FUT5: variants seen among roughly 807,000 people sequenced by gnomAD.
The protein encoded by FUT5 is fucosyltransferase 5.
A neutral mutation model predicts 0.8 loss-of-function variants in FUT5; 1 was observed. That is an observed-to-expected ratio of 1.26 (90% CI 0.45 to 5.99). The LOEUF (loss-of-function observed/expected upper bound fraction) is 5.99, where lower values mean the gene tolerates loss of function less well. Among genes scored for constraint, FUT5 ranks in the 30% most tolerant of loss-of-function variants. FUT5 has a pLI of 0.15. For missense variants in FUT5, 437 were observed against 517.8 expected (o/e 0.84, Z 1.51); for synonymous variants, 212 against 225.7 (o/e 0.94, Z 0.54).
At position 5,867,901 on chromosome 19, in the gene FUT5, C is replaced by A. The variant is rs746888590; in HGVS notation, c.-12-164G>T. On this transcript the variant is annotated intron_variant, in intron 1 of 1. Coordinates refer to ENST00000588525, the MANE Select transcript of FUT5 (RefSeq NM_002034.2). This position sits in a 1 kb window ranked among gnomAD's most constrained non-coding sequence, Gnocchi z 5.0. ...TTTATAACTCTGACAGGGAAGGGTACGATGGGATTAGGTTTTGCAGGTAAC... is the reference window on the plus strand; with the variant it reads ...TTTATAACTCTGACAGGGAAGGGTAAGATGGGATTAGGTTTTGCAGGTAAC... 1.3e-5 allele frequency among the ~76,000 whole-genome samples: 2 copies of A among 152,186 alleles called. No homozygotes were observed. Among genetic ancestry groups the A allele is most frequent in the Non-Finnish European group, 2.9e-5 (2 of 68,010 alleles).
At position 5,866,062 on chromosome 19, in the gene FUT5, A is replaced by C. The variant is rs8101625; in HGVS notation, c.*539T>G. The C allele has an allele frequency of 0.4, 76,868 of 191,408 alleles. 15,944 individuals carry two copies. The highest frequency in any genetic ancestry group is 0.49 in the African/African-American group (20,775 of 42,792). The allele number at this position is 191,408 out of a possible 1,614,324, so 11.9% of individuals were successfully genotyped here. ...TGTGACACCCATCCGCTGGCGGTCA[A>C]ACCGAGTGTCCCCCAGCCATGTGCA... On this transcript the variant is annotated 3_prime_UTR_variant, in exon 2 of 2. Transcript: ENST00000588525. The surrounding 1 kb of genome is among the most constrained non-coding windows in gnomAD (Gnocchi z 4.9).
rs770388340 is a variant in FUT5, at chr19:5,866,916, G to A, written c.810C>T (p.Thr270=). ...CCAGGGCGTTCCTCCACAGCTTCTC[G>A]GTGATGTAGTCGGGGTGCAAGGAGT... is the stretch of plus-strand genomic sequence containing the variant. ...FENSLHPDYI[T]EKLWRNALEA... Residue 270 remains threonine, a synonymous_variant, in exon 2 of 2, where the codon ACC becomes ACT. Coordinates refer to ENST00000588525, the MANE Select transcript of FUT5 (RefSeq NM_002034.2). The surrounding 1 kb of genome is among the most constrained non-coding windows in gnomAD (Gnocchi z 4.9). 8.7e-6 allele frequency: 14 copies of A among 1,612,936 alleles called. No individual in the cohort carries two copies. Among genetic ancestry groups the A allele is most frequent in the East Asian group, 2.2e-5 (1 of 44,856 alleles).
chr19:5,867,494 T>G lies in FUT5; in HGVS notation c.232A>C (p.Ile78Leu), dbSNP rs200984833. Residue 78 changes from isoleucine to leucine, a missense_variant, in exon 2 of 2, where the codon ATC becomes CTC. Ile to Leu is a conservative substitution (Grantham distance 5, BLOSUM62 2). This residue lies in a region of FUT5 where 261 missense variants were observed against 242.6 expected (regional missense o/e 1.08). Coordinates refer to ENST00000588525, the MANE Select transcript of FUT5 (RefSeq NM_002034.2). The surrounding 1 kb of genome is among the most constrained non-coding windows in gnomAD (Gnocchi z 5.0). ...MATPAHPTLL[I>L]LLWTWPFNTP... Reference sequence around the variant, plus strand: ...TTAAAAGGCCACGTCCACAGCAGGATCAGTAGGGTGGGGTGGGCAGGGGTC... The same window carrying G: ...TTAAAAGGCCACGTCCACAGCAGGAGCAGTAGGGTGGGGTGGGCAGGGGTC... The G allele has an allele frequency of 4.4e-5, 60 of 1,365,404 alleles. No homozygotes were observed. Among genetic ancestry groups the G allele is most frequent in the Non-Finnish European group, 5.5e-5 (55 of 994,724 alleles). The allele number at this position is 1,365,404 out of a possible 1,614,324, so 84.6% of individuals were successfully genotyped here.
intron 1 of FUT5, among the ~76,000 whole-genome samples, chr19:5,869,131 G>A (rs562151575): frequency 5.3e-5 from 8 of 151,998 alleles, no homozygotes; most frequent in South Asian, 2.1e-4. Context: ...ACAGGTGCCC[G>A]CTACCATGCC....
chr19:5,866,469 GTGAGACCCCAGGCAGC>G lies in FUT5; in HGVS notation c.*116_*131del. 3.5e-6 allele frequency: 5 copies of G among 1,408,480 alleles called. No homozygotes were observed. The highest frequency in any genetic ancestry group is 5.0e-6 in the Non-Finnish European group (5 of 1,006,698). The allele number at this position is 1,408,480 out of a possible 1,614,324, so 87.2% of individuals were successfully genotyped here. ...CTCCAGCAGGTGAGGCCCCAGGCAG[GTGAGACCCCAGGCAGC>G]CGAGGCCCCAGGCAGCCGAGGCCCC... On this transcript the variant is annotated 3_prime_UTR_variant, in exon 2 of 2. Coordinates refer to ENST00000588525, the MANE Select transcript of FUT5 (RefSeq NM_002034.2). This position sits in a 1 kb window ranked among gnomAD's most constrained non-coding sequence, Gnocchi z 4.9.
Position 5,866,328 on chromosome 19 carries a change from T to G in FUT5, c.*273A>C. 1 of 586,162 alleles carries G rather than the reference T, an allele frequency of 1.7e-6. No homozygotes were observed. 36.3% of individuals were successfully genotyped at this position (586,162 alleles called of 1,614,324 possible). A position where few individuals can be genotyped will look rare whatever the true frequency, so the allele number is the denominator to read the frequency against. The stretch of plus-strand genomic sequence containing the variant: ...TAGGTGCAGCCTCCAGAAAGCAAGG[T>G]CCCCAGTAGGCACCATCCCCAGCCC... On this transcript the variant is annotated 3_prime_UTR_variant, in exon 2 of 2. Transcript: ENST00000588525. This position sits in a 1 kb window ranked among gnomAD's most constrained non-coding sequence, Gnocchi z 4.9.
Position 5,866,517 on chromosome 19 carries a change from GTAAAT to G in FUT5, c.*79_*83del. The G allele has an allele frequency of 6.2e-7, 1 of 1,606,684 alleles. No homozygotes were observed. The highest frequency in any genetic ancestry group is 8.5e-7 in the Non-Finnish European group (1 of 1,176,160). On this transcript the variant is annotated 3_prime_UTR_variant, in exon 2 of 2. Coordinates refer to ENST00000588525, the MANE Select transcript of FUT5 (RefSeq NM_002034.2). The surrounding 1 kb of genome is among the most constrained non-coding windows in gnomAD (Gnocchi z 4.9). ...CCCAGGCAGCCGAGGCCCCAGGTAGGTAAATCCCCCGACTAGTGAGACCCTAGGTA... is the reference window on the plus strand; with the variant it reads ...CCCAGGCAGCCGAGGCCCCAGGTAGGCCCCCGACTAGTGAGACCCTAGGTA...
chr19:5,868,808 C>G (rs2057514260), intron 1 of FUT5, among the ~76,000 whole-genome samples: 2 of 152,154 alleles, frequency 1.3e-5, no homozygotes, highest in South Asian at 4.1e-4. Flanking sequence ...GAATGAGACT[C>G]TGTCTCAAAT....
intron 1 of FUT5, among the ~76,000 whole-genome samples, chr19:5,868,563 G>A (rs137874001): frequency 0.019 from 2,866 of 152,316 alleles, 68 homozygotes; most frequent in African/African-American, 0.063. Flanking sequence ...GGCCAGGCGT[G>A]AGGGCTCATG....
Position 5,866,553 on chromosome 19 carries a change from G to C in FUT5, c.*48C>G. 1 of 1,612,292 alleles carries C rather than the reference G, an allele frequency of 6.2e-7. No homozygotes were observed. The highest frequency in any genetic ancestry group is 8.5e-7 in the Non-Finnish European group (1 of 1,179,602). ...GACTAGTGAGACCCTAGGTAGGTGA[G>C]GCCCTGGGAAAGTGAGGTCCCGGCA... On this transcript the variant is annotated 3_prime_UTR_variant, in exon 2 of 2. Coordinates refer to ENST00000588525, the MANE Select transcript of FUT5 (RefSeq NM_002034.2). This position sits in a 1 kb window ranked among gnomAD's most constrained non-coding sequence, Gnocchi z 4.9.
chr19:5,867,244 G>T lies in FUT5; in HGVS notation c.482C>A (p.Ala161Asp). Residue 161 changes from alanine (A) to aspartate (D), a missense_variant, in exon 2 of 2, where the codon GCC becomes GAC. By Grantham distance (126) the Ala-to-Asp change is moderately radical (BLOSUM62 -2). Around this residue, in one of 2 missense-constraint regions of FUT5, gnomAD observed 261 missense variants for 242.6 expected, o/e 1.08. Transcript: ENST00000588525. The surrounding 1 kb of genome is among the most constrained non-coding windows in gnomAD (Gnocchi z 5.0). ...GGTGAGATTGAAGTATCCGTCCAGGGCTTCCAGGTGCCGGCAGTTGCTGGG... is the reference window on the plus strand; with the variant it reads ...GGTGAGATTGAAGTATCCGTCCAGGTCTTCCAGGTGCCGGCAGTTGCTGGG... ...ESPSNCRHLE[A>D]LDGYFNLTMS... The T allele has an allele frequency of 6.2e-7, 1 of 1,613,384 alleles. No homozygotes were observed. The highest frequency in any genetic ancestry group is 8.5e-7 in the Non-Finnish European group (1 of 1,180,032).
At chr19:5,870,158 T>C (rs948777490) in intron 1 of FUT5, among the ~76,000 whole-genome samples, 3 of 118,154 alleles carry the variant, frequency 2.5e-5, no homozygotes, top group African/African-American at 1.0e-4. Flanking sequence ...CTTTCTTTCT[T>C]TCTTTTTAAA....
Position 5,867,321 on chromosome 19 carries a change from C to G in FUT5, c.405G>C (p.Pro135=). The stretch of plus-strand genomic sequence containing the variant: ...GCTGCCCCTGCGGCCTGGTGGGGGG[C>G]GGGAGGTTGGCACTGGGGTTGTACA... ...DIMYNPSANL[P]PPTRPQGQRW... Residue 135 remains proline (P), a synonymous_variant, in exon 2 of 2, where the codon CCG becomes CCC. Transcript: ENST00000588525. The surrounding 1 kb of genome is among the most constrained non-coding windows in gnomAD (Gnocchi z 5.0). The G allele has an allele frequency of 6.2e-7, 1 of 1,613,484 alleles. No homozygotes were observed. The highest frequency in any genetic ancestry group is 8.5e-7 in the Non-Finnish European group (1 of 1,180,010).
chr19:5,869,596 T>G (rs2057516743), intron 1 of FUT5, among the ~76,000 whole-genome samples: 1 of 152,136 alleles, frequency 6.6e-6, no homozygotes, highest in Non-Finnish European at 1.5e-5. Flanking sequence ...ATTGTTTTGG[T>G]AGAAACCATG....
Position 5,867,660 on chromosome 19 carries a change from A to C in FUT5, c.66T>G (p.Phe22Leu). Residue 22 changes from phenylalanine to leucine, a missense_variant, in exon 2 of 2, where the codon TTT (phenylalanine) becomes TTG (leucine). Physicochemically the swap from Phe to Leu is conservative, Grantham distance 22 (BLOSUM62 0). This residue lies in a region of FUT5 where 261 missense variants were observed against 242.6 expected (regional missense o/e 1.08). Transcript: ENST00000588525. This position sits in a 1 kb window ranked among gnomAD's most constrained non-coding sequence, Gnocchi z 5.0. ...AGAAACACACAGCCACCAGCAGCTGAAACAGCAGCCCGGCCAGACAGCGGC... is the reference window on the plus strand; with the variant it reads ...AGAAACACACAGCCACCAGCAGCTGCAACAGCAGCCCGGCCAGACAGCGGC... ...LWRRCLAGLL[F>L]QLLVAVCFFS... 6.2e-7 allele frequency: 1 copy of C among 1,613,360 alleles called. No homozygotes were observed. The highest frequency in any genetic ancestry group is 1.1e-5 in the South Asian group (1 of 91,082).
chr19:5,866,884 C>T lies in FUT5; in HGVS notation c.842G>A (p.Trp281Ter), dbSNP rs1207368928. 2 of 1,611,514 alleles carry T rather than the reference C, an allele frequency of 1.2e-6. No individual in the cohort carries two copies. Among genetic ancestry groups the T allele is most frequent in the Non-Finnish European group, 1.7e-6 (2 of 1,179,402 alleles). ...EKLWRNALEA[W>*]AVPVVLGPSR... ...GGGGCCCAGCACCACGGGCACGGCC[C>T]AGGCCTCCAGGGCGTTCCTCCACAG... Residue 281 changes from tryptophan (W) to a stop codon, truncating the protein, a stop_gained, in exon 2 of 2, where the codon TGG (tryptophan) becomes TAG (stop). Transcript: ENST00000588525. LOFTEE classifies it low-confidence loss of function (END_TRUNC). This position sits in a 1 kb window ranked among gnomAD's most constrained non-coding sequence, Gnocchi z 4.9.
intron 1 of FUT5, among the ~76,000 whole-genome samples, chr19:5,868,031 C>T (rs1044201715): frequency 1.3e-5 from 2 of 152,142 alleles, no homozygotes; most frequent in East Asian, 1.9e-4. Context: ...GAGCAGTTTG[C>T]AGACAAAGAA....
chr19:5,867,719 G>A lies in FUT5; in HGVS notation c.7C>T (p.Pro3Ser), dbSNP rs764851768. The change falls in exon 2 of 2, where the codon CCC becomes TCC. Residue 3 changes from proline to serine, a missense_variant. By Grantham distance (74) the Pro-to-Ser change is moderately conservative. Coordinates refer to ENST00000588525, the MANE Select transcript of FUT5 (RefSeq NM_002034.2). The surrounding 1 kb of genome is among the most constrained non-coding windows in gnomAD (Gnocchi z 5.0). ...CACTGTGGCTTGGCTGGGCCCAGGG[G>A]ATCCATGGGTCAGAGTAGCTGGGAA... The part of the protein sequence containing the change: MD[P>S]LGPAKPQWLW... 6.2e-6 allele frequency: 10 copies of A among 1,613,120 alleles called. No individual in the cohort carries two copies. The South Asian group carries it at 9.9e-5, about 16-fold the overall frequency.
Position 5,867,339 on chromosome 19 carries a change from G to A in FUT5, c.387C>T (p.Asn129=), listed in dbSNP as rs762157139. Residue 129 remains asparagine (N), a synonymous_variant, in exon 2 of 2, where the codon AAC becomes AAT. Transcript: ENST00000588525. This position sits in a 1 kb window ranked among gnomAD's most constrained non-coding sequence, Gnocchi z 5.0. ...TGGGGGGCGGGAGGTTGGCACTGGG[G>A]TTGTACATGATATCCCAGTGGTGCA... ...VIVHHWDIMY[N]PSANLPPPTR... is the part of the protein sequence containing the mutation. The A allele has an allele frequency of 5.0e-6, 8 of 1,613,784 alleles. No homozygotes were observed. Among genetic ancestry groups the A allele is most frequent in the South Asian group, 3.3e-5 (3 of 91,086 alleles).
Sources: gnomAD v4.1 joint callset for allele counts (sites outside exome capture counted in the v4.1 genomes callset) on GRCh38, gnomAD v4.1.1 for gene constraint, gnomAD v4.1.1 regional missense constraint, Gnocchi (gnomAD v3.1) non-coding constraint, MANE v1.5 for transcripts, NCBI Gene and HGNC (gene_info 2026-07-23, HGNC 2026-07-21) for gene names.